Variants in DNAJC25 observed in about 807,000 individuals in gnomAD.
The protein encoded by DNAJC25 is dnaJ homolog subfamily C member 25.
In DNAJC25, 26 loss-of-function variants were observed where a neutral mutation model predicts 42.1. That is an observed-to-expected ratio of 0.62 (90% CI 0.45 to 0.86). The LOEUF is 0.86. DNAJC25 is among the 40% of genes least tolerant of loss of function. DNAJC25 has a pLI of 0.00. For synonymous variants in DNAJC25, 189 were observed against 179.9 expected (o/e 1.05, Z -0.40); for missense variants, 404 against 459.4 (o/e 0.88, Z 1.10).
At chr9:111,642,391 T>TA in intron 1 of DNAJC25, among the ~76,000 whole-genome samples, 1 of 133,520 alleles carries the variant, frequency 7.5e-6, no homozygotes, top group South Asian at 2.6e-4. Flanking sequence ...TGTGCTTTGT[T>TA]AAACAGATGC....
intron 1 of DNAJC25, among the ~76,000 whole-genome samples, chr9:111,645,965 G>T (rs1293832958): frequency 6.6e-6 from 1 of 152,008 alleles, no homozygotes; most frequent in Non-Finnish European, 1.5e-5. Context: ...TAAAGACAAG[G>T]TCTCACTATG....
intron 1 of DNAJC25, among the ~76,000 whole-genome samples, chr9:111,635,259 A>G (rs543343073): frequency 6.6e-6 from 1 of 152,318 alleles, no homozygotes; most frequent in East Asian, 1.9e-4. Context: ...TTTTGTGCGT[A>G]TATCCATAGC....
intron 1 of DNAJC25, among the ~76,000 whole-genome samples, chr9:111,645,623 T>C (rs2131266486): frequency 6.6e-6 from 1 of 152,320 alleles, no homozygotes; most frequent in East Asian, 1.9e-4. Flanking sequence ...TTAACAAATT[T>C]CTTACTTTAA....
rs770085115 is a variant in DNAJC25, at chr9:111,649,756, C to T, written c.793C>T (p.Arg265Trp). ...HLCSYIVWYC[R>W]WIYNFNIKGK... ...ATGCTCATATATAGTTTGGTATTGT[C>T]GGTGGATCTATAATTTTAACATCAA... Residue 265 changes from arginine (R) to tryptophan (W), a missense_variant, in exon 3 of 4, where the codon CGG (arginine) becomes TGG (tryptophan). Transcript: ENST00000313525. 3.2e-5 allele frequency: 51 copies of T among 1,613,658 alleles called. No homozygotes were observed. The highest frequency in any genetic ancestry group is 3.3e-4 in the Middle Eastern group (2 of 6,080).
intron 1 of DNAJC25, among the ~76,000 whole-genome samples, chr9:111,637,458 GTCT>G (rs535368881): frequency 6.6e-5 from 10 of 152,148 alleles, no homozygotes; most frequent in Non-Finnish European, 8.8e-5. Context: ...TACTTACACT[GTCT>G]TCTTCTGTCA....
intron 1 of DNAJC25, among the ~76,000 whole-genome samples, chr9:111,642,188 G>T (rs1322474518): frequency 2.1e-5 from 3 of 145,302 alleles, no homozygotes; most frequent in African/African-American, 5.2e-5. Context: ...GTGGGGAAAA[G>T]ATTGAGAGAT....
chr9:111,639,682 A>C (rs1830414908), intron 1 of DNAJC25, among the ~76,000 whole-genome samples: 1 of 151,342 alleles, frequency 6.6e-6, no homozygotes, highest in Admixed American at 6.6e-5. Context: ...TCATTTCAAA[A>C]AAATGTGTGT....
At chr9:111,641,160 C>T (rs1293772247) in intron 1 of DNAJC25, among the ~76,000 whole-genome samples, 1 of 117,632 alleles carries the variant, frequency 8.5e-6, no homozygotes, top group African/African-American at 3.7e-5. Flanking sequence ...GCCAGCCGCC[C>T]CATCCGGGAG....
intron 1 of DNAJC25, among the ~76,000 whole-genome samples, chr9:111,640,136 C>G (rs1275111254): frequency 1.5e-5 from 2 of 137,364 alleles, no homozygotes; most frequent in African/African-American, 2.8e-5. Context: ...CTGTGTTGGC[C>G]GGGCCGGTCT....
At chr9:111,652,191 G>A (rs1212037323) in intron 3 of DNAJC25, among the ~76,000 whole-genome samples, 2 of 152,058 alleles carry the variant, frequency 1.3e-5, no homozygotes, top group East Asian at 3.9e-4. Flanking sequence ...TGTATTCCTA[G>A]GTTACAGAAA....
chr9:111,638,865 T>C (rs974039829), intron 1 of DNAJC25, among the ~76,000 whole-genome samples: 12 of 151,766 alleles, frequency 7.9e-5, no homozygotes, highest in Non-Finnish European at 4.4e-5. Flanking sequence ...CCTAACTCTT[T>C]GGTGCAGCAT....
intron 3 of DNAJC25, among the ~76,000 whole-genome samples, chr9:111,650,210 A>G (rs966043065): frequency 3.3e-5 from 5 of 152,106 alleles, no homozygotes; most frequent in African/African-American, 9.7e-5. Flanking sequence ...CATGTTTGCA[A>G]GGGTGTTACA....
rs1385540479 is a variant in DNAJC25 at position 111,632,910 on chromosome 9, A to G, written c.336+1167A>G. On this transcript the variant is annotated intron_variant, in intron 1 of 3. Coordinates refer to ENST00000313525, the MANE Select transcript of DNAJC25 (RefSeq NM_001015882.3). ...GTGGTGGAGGGGCGGGCCCTGAACT[A>G]GGTAAACTAGGTGAATTGAACTAGG... is the stretch of plus-strand genomic sequence containing the variant. Among the ~76,000 whole-genome samples the G allele has an allele frequency of 2.0e-5, 3 of 152,144 alleles. No individual in the cohort carries two copies. In the East Asian group the frequency reaches 5.8e-4, roughly 29 times the overall value.
chr9:111,631,645 C>A lies in DNAJC25; in HGVS notation c.238C>A (p.Arg80Ser). 1 of 1,515,390 alleles carries A rather than the reference C, an allele frequency of 6.6e-7. No individual in the cohort carries two copies. The highest frequency in any genetic ancestry group is 8.8e-7 in the Non-Finnish European group (1 of 1,138,814). The allele number at this position is 1,515,390 out of a possible 1,614,324, so 93.9% of individuals were successfully genotyped here. ...GCTGGCCCGGCGCTACCACCCTGAC[C>A]GCTACCGGCCCCAGCCCGGAGACGA... Reference protein sequence around the residue: ...RQLARRYHPDRYRPQPGDEGP... With the variant: ...RQLARRYHPDSYRPQPGDEGP... Residue 80 changes from arginine to serine, a missense_variant, in exon 1 of 4, where the codon CGC (arginine) becomes AGC (serine). Coordinates refer to ENST00000313525, the MANE Select transcript of DNAJC25 (RefSeq NM_001015882.3).
At chr9:111,640,081 C>A (rs1830427613) in intron 1 of DNAJC25, among the ~76,000 whole-genome samples, 1 of 151,812 alleles carries the variant, frequency 6.6e-6, no homozygotes. Context: ...CGATTGCAGG[C>A]ACGCGCCGCC....
chr9:111,641,040 G>A (rs1209913588), intron 1 of DNAJC25, among the ~76,000 whole-genome samples: 1 of 103,538 alleles, frequency 9.7e-6, no homozygotes, highest in Non-Finnish European at 1.9e-5. Context: ...CCCCGTCCGG[G>A]AGGTGAGGGG....
chr9:111,650,911 A>G (rs1347309552), intron 3 of DNAJC25, among the ~76,000 whole-genome samples: 1 of 152,126 alleles, frequency 6.6e-6, no homozygotes, highest in Non-Finnish European at 1.5e-5. Context: ...TCTGAATTAT[A>G]TTTATGTAAA....
chr9:111,636,557 C>A (rs1369213140), intron 1 of DNAJC25, among the ~76,000 whole-genome samples: 1 of 152,156 alleles, frequency 6.6e-6, no homozygotes, highest in Non-Finnish European at 1.5e-5. Context: ...TATGCTCAAG[C>A]AGTCCTCCTG....
intron 2 of DNAJC25, among the ~76,000 whole-genome samples, chr9:111,647,497 C>G (rs1830584703): frequency 6.6e-6 from 1 of 152,124 alleles, no homozygotes; most frequent in South Asian, 2.1e-4. Context: ...TTTCATTGTT[C>G]CCTCTGGAGT....
Sources: allele counts gnomAD v4.1 joint callset (sites outside exome capture counted in the v4.1 genomes callset), GRCh38; gene constraint gnomAD v4.1.1; transcripts MANE v1.5; gene names NCBI Gene and HGNC (gene_info 2026-07-23, HGNC 2026-07-21).